MTUS2: variants seen among roughly 807,000 people sequenced by gnomAD.
The protein encoded by MTUS2 is microtubule associated scaffold protein 2.
A neutral mutation model predicts 114.1 loss-of-function variants in MTUS2; 40 were observed. The observed-to-expected ratio is 0.35, with a 90% CI of 0.27 to 0.46. The LOEUF (loss-of-function observed/expected upper bound fraction) is 0.46. Among genes scored for constraint, MTUS2 ranks in the 20% least tolerant of loss-of-function variants. The pLI is 1.00. For synonymous variants in MTUS2, 688 were observed against 672.0 expected, an observed-to-expected ratio of 1.02 and a Z score of -0.37; for missense variants, 1,679 against 1,705.4, an observed-to-expected ratio of 0.98 and a Z score of 0.27.
chr13:29,140,081 T>C (rs1167367459), intron 5 of MTUS2, among the ~76,000 whole-genome samples: 1 of 152,234 alleles, frequency 6.6e-6, no homozygotes, highest in Admixed American at 6.5e-5. Flanking sequence ...TGAGGGCTGC[T>C]ACAGATGTCA....
intron 2 of MTUS2, among the ~76,000 whole-genome samples, chr13:28,998,280 C>T (rs920588111): frequency 6.6e-6 from 1 of 152,182 alleles, no homozygotes; most frequent in African/African-American, 2.4e-5. Context: ...CGATGGGCTT[C>T]CCTTTGTGGG....
chr13:28,822,974 C>A (rs368670214), intron 1 of MTUS2, among the ~76,000 whole-genome samples: 11 of 152,210 alleles, frequency 7.2e-5, no homozygotes, highest in East Asian at 3.8e-4. Context: ...AGCTCTTTGC[C>A]TCGTGATCGC....
intron 2 of MTUS2, among the ~76,000 whole-genome samples, chr13:28,903,834 C>A (rs1410054641): frequency 6.6e-6 from 1 of 151,730 alleles, no homozygotes; most frequent in Admixed American, 6.6e-5. Context: ...GAGGAATCGC[C>A]ACACTGACTT....
intron 8 of MTUS2, among the ~76,000 whole-genome samples, chr13:29,432,031 T>TTTTC (rs1566196602): frequency 1.4e-5 from 2 of 145,872 alleles, no homozygotes; most frequent in African/African-American, 5.0e-5. Context: ...TTTTTTTTTT[T>TTTTC]TGGCAGAGCT....
At chr13:29,192,292 T>G (rs969097108) in intron 5 of MTUS2, among the ~76,000 whole-genome samples, 50 of 152,188 alleles carry the variant, frequency 3.3e-4, no homozygotes, top group African/African-American at 1.2e-3. Flanking sequence ...GTTCAAAGCA[T>G]GAAACTTCTT....
intron 2 of MTUS2, among the ~76,000 whole-genome samples, chr13:28,984,652 G>T (rs1276012115): frequency 6.6e-6 from 1 of 152,178 alleles, no homozygotes; most frequent in East Asian, 1.9e-4. Flanking sequence ...GACGTAATTT[G>T]TCAAATGAGG....
chr13:29,045,003 G>A (rs1887550258), intron 4 of MTUS2, among the ~76,000 whole-genome samples: 1 of 152,166 alleles, frequency 6.6e-6, no homozygotes, highest in South Asian at 2.1e-4. Flanking sequence ...TATCTTCAAA[G>A]CAGTAATGGT....
intron 1 of MTUS2, among the ~76,000 whole-genome samples, chr13:28,831,606 A>T (rs1447864954): frequency 6.6e-6 from 1 of 152,234 alleles, no homozygotes; most frequent in East Asian, 1.9e-4. Context: ...AAATATGAGC[A>T]TGCATGTATT....
chr13:29,494,554 G>T (rs1882400569), intron 12 of MTUS2, among the ~76,000 whole-genome samples: 1 of 151,974 alleles, frequency 6.6e-6, no homozygotes, highest in African/African-American at 2.4e-5. Flanking sequence ...GTTTGGTGTA[G>T]GAGCCATGGA....
At chr13:29,178,779 T>C (rs1893880108) in intron 5 of MTUS2, among the ~76,000 whole-genome samples, 1 of 152,230 alleles carries the variant, frequency 6.6e-6, no homozygotes, top group African/African-American at 2.4e-5. Flanking sequence ...TCATTTTTCC[T>C]GTCTTTTGTG....
chr13:29,346,690 A>G (rs969228747), intron 7 of MTUS2, among the ~76,000 whole-genome samples: 11 of 142,266 alleles, frequency 7.7e-5, no homozygotes, highest in African/African-American at 1.5e-4. Context: ...GACTCTGTCC[A>G]GGAAACTGCA....
intron 2 of MTUS2, among the ~76,000 whole-genome samples, chr13:29,004,904 G>A (rs1176782445): frequency 6.6e-6 from 1 of 152,132 alleles, no homozygotes; most frequent in Non-Finnish European, 1.5e-5. Context: ...TCATGGGAAG[G>A]GAATAAATAA....
At chr13:29,140,670 C>G (rs989194315) in intron 5 of MTUS2, among the ~76,000 whole-genome samples, 9 of 152,130 alleles carry the variant, frequency 5.9e-5, no homozygotes, top group African/African-American at 2.2e-4. Context: ...TCTGCCTGCC[C>G]CAGTTCTCTG....
intron 2 of MTUS2, among the ~76,000 whole-genome samples, chr13:28,873,289 CTCTG>C (rs974038335): frequency 1.3e-5 from 2 of 152,144 alleles, no homozygotes; most frequent in African/African-American, 4.8e-5. Flanking sequence ...ATTCTGTTTA[CTCTG>C]TCTGATGTTT....
chr13:28,976,222 AAAGAAAAG>A (rs1370422144), intron 2 of MTUS2, among the ~76,000 whole-genome samples: 1 of 103,810 alleles, frequency 9.6e-6, no homozygotes, highest in African/African-American at 3.7e-5. Flanking sequence ...AAAAAAAAAA[AAAGAAAAG>A]AAGAAAAAAA....
At chr13:29,445,507 A>G (rs1878210808) in intron 9 of MTUS2, among the ~76,000 whole-genome samples, 1 of 152,174 alleles carries the variant, frequency 6.6e-6, no homozygotes, top group African/African-American at 2.4e-5. Context: ...AGCAAGGTAT[A>G]TGGCAGGGGG....
chr13:29,290,474 C>T (rs567142704), intron 6 of MTUS2, among the ~76,000 whole-genome samples: 3 of 152,240 alleles, frequency 2.0e-5, no homozygotes, highest in East Asian at 1.9e-4. Flanking sequence ...GGACTACAGG[C>T]GCCTGCCACC....
At chr13:28,941,949 A>C (rs1238147260) in intron 2 of MTUS2, among the ~76,000 whole-genome samples, 2 of 152,190 alleles carry the variant, frequency 1.3e-5, no homozygotes, top group African/African-American at 4.8e-5. Context: ...ATGTTGATGC[A>C]TTTCATTGTA....
chr13:29,145,367 A>G (rs1203476687), intron 5 of MTUS2, among the ~76,000 whole-genome samples: 1 of 152,096 alleles, frequency 6.6e-6, no homozygotes, highest in Non-Finnish European at 1.5e-5. Flanking sequence ...TAAAAATACA[A>G]AAATGAGCCG....
Sources: allele counts gnomAD v4.1 joint callset (sites outside exome capture counted in the v4.1 genomes callset), GRCh38; gene constraint gnomAD v4.1.1; transcripts MANE v1.5; gene names NCBI Gene and HGNC (gene_info 2026-07-23, HGNC 2026-07-21).